INVS: variants seen among roughly 807,000 people sequenced by gnomAD.
INVS encodes the protein inversion of embryo turning homolog.
In INVS, 86 loss-of-function variants were observed where a neutral mutation model predicts 108.8. The observed-to-expected ratio is 0.79, with a 90% CI of 0.66 to 0.95. The LOEUF is 0.95. INVS is among the 40% of genes least tolerant of loss of function. INVS has a pLI of 0.00. For synonymous variants in INVS, 455 were observed against 473.5 expected, an observed-to-expected ratio of 0.96 and a Z score of 0.51; for missense variants, 1,169 against 1,297.4, an observed-to-expected ratio of 0.90 and a Z score of 1.52.
At chr9:100,161,226 A>G (rs1232204556) in intron 3 of INVS, among the ~76,000 whole-genome samples, 1 of 149,276 alleles carries the variant, frequency 6.7e-6, no homozygotes, top group Non-Finnish European at 1.5e-5. Context: ...AAATACAAAA[A>G]TTAGCTGGGT....
intron 10 of INVS, among the ~76,000 whole-genome samples, chr9:100,259,963 C>T (rs971760596): frequency 6.6e-6 from 1 of 151,796 alleles, no homozygotes; most frequent in African/African-American, 2.4e-5. Flanking sequence ...CTTCTGCCTC[C>T]TGGGTTCAAG....
At chr9:100,116,959 T>C in intron 2 of INVS, 1 of 1,557,158 alleles carries the variant, frequency 6.4e-7, no homozygotes, top group Non-Finnish European at 8.7e-7. Context: ...AGCCCCGGGC[T>C]GAGGTGTAGC....
chr9:100,148,199 A>G (rs939019894), intron 3 of INVS, among the ~76,000 whole-genome samples: 8 of 152,036 alleles, frequency 5.3e-5, no homozygotes, highest in Non-Finnish European at 1.0e-4. Context: ...TAAAAAACCA[A>G]AAAGGTTAAG....
At chr9:100,104,437 T>G (rs1291846691) in intron 1 of INVS, 61 bp from the exon 2 acceptor site, 2 of 883,038 alleles carry the variant, frequency 2.3e-6, no homozygotes, top group African/African-American at 3.3e-5. Flanking sequence ...CACTTGGAAC[T>G]GATGAGACAG....
At chr9:100,260,889 G>A (rs753562508) in intron 10 of INVS, among the ~76,000 whole-genome samples, 21 of 151,944 alleles carry the variant, frequency 1.4e-4, no homozygotes, top group East Asian at 9.7e-4. Context: ...TGGGATTATC[G>A]CATTAGAATA....
At chr9:100,229,224 A>C (rs1014537706) in intron 4 of INVS, among the ~76,000 whole-genome samples, 1 of 152,190 alleles carries the variant, frequency 6.6e-6, no homozygotes, top group African/African-American at 2.4e-5. Context: ...AGTATCAATA[A>C]TTTTGAGCTT....
At chr9:100,217,906 A>G (rs888867202) in intron 3 of INVS, among the ~76,000 whole-genome samples, 7 of 152,188 alleles carry the variant, frequency 4.6e-5, no homozygotes, top group Non-Finnish European at 7.3e-5. Flanking sequence ...TAATGAAATT[A>G]CTGATATTTG....
At chr9:100,282,261 T>C (rs1378187087) in intron 12 of INVS, among the ~76,000 whole-genome samples, 2 of 152,182 alleles carry the variant, frequency 1.3e-5, no homozygotes, top group East Asian at 3.8e-4. Flanking sequence ...TGCATCCGTA[T>C]GAATCTCAGG....
At chr9:100,249,258 T>G (rs529042751) in intron 8 of INVS, among the ~76,000 whole-genome samples, 5 of 152,142 alleles carry the variant, frequency 3.3e-5, no homozygotes, top group African/African-American at 1.2e-4. Flanking sequence ...GGTACCTCTA[T>G]AGAAAGCTGT....
chr9:100,133,170 A>G (rs1828105708), intron 3 of INVS, among the ~76,000 whole-genome samples: 1 of 152,214 alleles, frequency 6.6e-6, no homozygotes, highest in South Asian at 2.1e-4. Context: ...AATACCTCGA[A>G]GAGATCAAAC....
chr9:100,100,715 AT>A (rs1826846792), intron 1 of INVS, among the ~76,000 whole-genome samples: 1 of 38,546 alleles, frequency 2.6e-5, no homozygotes, highest in African/African-American at 1.1e-4. Flanking sequence ...TAATATATAT[AT>A]TATATGTACA....
intron 12 of INVS, among the ~76,000 whole-genome samples, chr9:100,275,644 G>A (rs1281312321): frequency 6.6e-6 from 1 of 152,178 alleles, no homozygotes; most frequent in African/African-American, 2.4e-5. Flanking sequence ...TGTCACCTCG[G>A]TGTACCTTTC....
chr9:100,168,197 A>G (rs1167222339), intron 3 of INVS, among the ~76,000 whole-genome samples: 1 of 152,014 alleles, frequency 6.6e-6, no homozygotes, highest in Non-Finnish European at 1.5e-5. Context: ...AGTTATTGAC[A>G]TTTTTATCCC....
chr9:100,170,908 A>G (rs1341525193), intron 3 of INVS, among the ~76,000 whole-genome samples: 1 of 152,214 alleles, frequency 6.6e-6, no homozygotes, highest in Non-Finnish European at 1.5e-5. Context: ...AAAATGTAGT[A>G]TTCCTGTGTT....
At chr9:100,104,353 C>A in intron 1 of INVS, 145 bp from the exon 2 acceptor site, 1 of 666,012 alleles carries the variant, frequency 1.5e-6, no homozygotes, top group Non-Finnish European at 2.7e-6. Flanking sequence ...ATATGTACCA[C>A]TGCACCCAGC....
intron 1 of INVS, among the ~76,000 whole-genome samples, chr9:100,100,928 A>AATATATATTATATATGT (rs1826932249): frequency 4.3e-5 from 1 of 23,228 alleles, no homozygotes; most frequent in African/African-American, 3.1e-4. Flanking sequence ...GTATATATAT[A>AATATATATTATATATGT]ATATATATAA....
intron 3 of INVS, among the ~76,000 whole-genome samples, chr9:100,155,454 C>A (rs1442010031): frequency 6.6e-6 from 1 of 152,100 alleles, no homozygotes; most frequent in East Asian, 1.9e-4. Context: ...CTCCTGCCTG[C>A]ACCTCCCTAG....
chr9:100,261,806 AATCTTGAAT>A (rs1384943229), intron 10 of INVS, among the ~76,000 whole-genome samples: 2 of 152,196 alleles, frequency 1.3e-5, no homozygotes, highest in South Asian at 4.1e-4. Flanking sequence ...CCTTCAATAC[AATCTTGAAT>A]AGAATTGGTG....
At chr9:100,201,032 C>T (rs549542172) in intron 3 of INVS, among the ~76,000 whole-genome samples, 1 of 152,354 alleles carries the variant, frequency 6.6e-6, no homozygotes, top group East Asian at 1.9e-4. Context: ...GCTACTGCAG[C>T]TGCTAGGCTG....
Sources: allele counts gnomAD v4.1 joint callset (sites outside exome capture counted in the v4.1 genomes callset), GRCh38; gene constraint gnomAD v4.1.1; transcripts MANE v1.5; gene names NCBI Gene and HGNC (gene_info 2026-07-23, HGNC 2026-07-21).